The following DOCK10 variants were observed in gnomAD, a reference collection of about 807,000 sequenced individuals.
DOCK10 encodes dedicator of cytokinesis protein 10.
In DOCK10, 145 loss-of-function variants were observed where a neutral mutation model predicts 280.1. The observed-to-expected ratio is 0.52, with a 90% CI of 0.45 to 0.59. The LOEUF is 0.59. DOCK10 is among the 20% of genes least tolerant of loss of function. The pLI, the probability that DOCK10 is intolerant of heterozygous loss-of-function variation, is 0.00. For missense variants in DOCK10, 2,368 were observed against 2,651.7 expected (o/e 0.89, Z 2.35); for synonymous variants, 915 against 942.2 (o/e 0.97, Z 0.53).
At chr2:224,874,817 T>C in intron 8 of DOCK10, 66 bp from the exon 9 acceptor site, 1 of 1,454,502 alleles carries the variant, frequency 6.9e-7, no homozygotes, top group Non-Finnish European at 9.6e-7. Context: ...TTCTAGCCTG[T>C]GACATGCAAA....
rs374246753 is a variant in DOCK10, at chr2:224,807,664, G to A, written c.3702+4C>T. The A allele has an allele frequency of 4.6e-6, 7 of 1,510,780 alleles. No individual in the cohort carries two copies. The East Asian group carries it at 9.6e-5, about 21-fold the overall frequency. 93.6% of individuals were successfully genotyped at this position (1,510,780 alleles called of 1,614,324 possible). ...TAGAAATGTGACATATTGTGCAAACGTACCTGATTAGATGTATTGACAGTA... is the reference window on the plus strand; with the variant it reads ...TAGAAATGTGACATATTGTGCAAACATACCTGATTAGATGTATTGACAGTA... On this transcript the variant is annotated splice_donor_region_variant and intron_variant, in intron 33 of 55. Coordinates refer to ENST00000258390, the MANE Select transcript of DOCK10 (RefSeq NM_014689.3).
chr2:225,042,282 C>T lies in DOCK10; in HGVS notation c.93G>A (p.Ala31=), dbSNP rs757676269. The T allele has an allele frequency of 1.5e-6, 2 of 1,338,970 alleles. No individual in the cohort carries two copies. Among genetic ancestry groups the T allele is most frequent in the South Asian group, 1.9e-5 (1 of 52,156 alleles). The allele number at this position is 1,338,970 out of a possible 1,614,324, so 82.9% of individuals were successfully genotyped here. Residue 31 remains alanine (A), a synonymous_variant, in exon 1 of 56, where the codon GCG becomes GCA. Coordinates refer to ENST00000258390, the MANE Select transcript of DOCK10 (RefSeq NM_014689.3). The surrounding 1 kb of genome is among the most constrained non-coding windows in gnomAD (Gnocchi z 5.1). Reference sequence around the variant, plus strand: ...GCTGCTGCCGGCTGCTGACTGCCACCGCGGCGGCGGACGCGGCGCTGTGCC... The same window carrying T: ...GCTGCTGCCGGCTGCTGACTGCCACTGCGGCGGCGGACGCGGCGCTGTGCC... ...ELRHSAASAA[A]VAVSSRQQQR... is the part of the protein sequence containing the mutation.
intron 1 of DOCK10, among the ~76,000 whole-genome samples, chr2:225,036,599 A>G (rs1213452081): frequency 6.6e-6 from 1 of 152,160 alleles, no homozygotes; most frequent in East Asian, 1.9e-4. Context: ...ATGTGATCTA[A>G]TGTTGCTGGT....
chr2:224,871,892 T>G, intron 11 of DOCK10, among the ~76,000 whole-genome samples: 1 of 152,186 alleles, frequency 6.6e-6, no homozygotes, highest in African/African-American at 2.4e-5. Flanking sequence ...AAATTGTGAG[T>G]TTTCTTGTTT....
intron 13 of DOCK10, among the ~76,000 whole-genome samples, chr2:224,864,315 C>G (rs1258670265): frequency 1.3e-5 from 2 of 152,088 alleles, no homozygotes; most frequent in African/African-American, 4.8e-5. Context: ...CGAGACCAGC[C>G]TGGTCAACAT....
intron 48 of DOCK10, 33 bp from the exon 49 acceptor site, chr2:224,787,430 A>T (rs765844259): frequency 6.2e-7 from 1 of 1,612,792 alleles, no homozygotes; most frequent in African/African-American, 1.3e-5. Context: ...AAGATTTTAC[A>T]TGATTAGGGT....
intron 1 of DOCK10, among the ~76,000 whole-genome samples, chr2:225,006,694 T>C (rs149700001): frequency 1.4e-4 from 21 of 152,314 alleles, no homozygotes; most frequent in African/African-American, 4.3e-4. Flanking sequence ...CAATCTATGT[T>C]TGGAGAAATA....
intron 18 of DOCK10, among the ~76,000 whole-genome samples, chr2:224,851,696 G>A (rs1192270689): frequency 2.0e-5 from 3 of 151,910 alleles, no homozygotes; most frequent in Non-Finnish European, 4.4e-5. Context: ...TTGGCAGCAG[G>A]CCCACTACAA....
intron 28 of DOCK10, among the ~76,000 whole-genome samples, chr2:224,821,937 G>GA (rs749263345): frequency 1.3e-4 from 19 of 151,676 alleles, no homozygotes; most frequent in Non-Finnish European, 2.8e-4. Context: ...AAACCTTGAA[G>GA]AAAAAAATAA....
intron 1 of DOCK10, among the ~76,000 whole-genome samples, chr2:224,959,433 TTTTC>T (rs949102802): frequency 1.7e-5 from 2 of 115,934 alleles, no homozygotes; most frequent in Admixed American, 1.9e-4. Flanking sequence ...GCCTTTATTA[TTTTC>T]TTTTTTTTTT....
chr2:224,866,063 T>G (rs900326075), intron 11 of DOCK10, among the ~76,000 whole-genome samples: 1 of 152,172 alleles, frequency 6.6e-6, no homozygotes, highest in Non-Finnish European at 1.5e-5. Context: ...GTCAGGAAAG[T>G]GATATTGGCC....
At position 224,841,882 on chromosome 2, in the gene DOCK10, A is replaced by G; in HGVS notation, c.2583T>C (p.Asn861=). Residue 861 remains asparagine (N), a synonymous_variant, in exon 23 of 56, where the codon AAT becomes AAC. Transcript: ENST00000258390. ...STVNTQDPHV[N]AFFQECQKRE... The stretch of plus-strand genomic sequence containing the variant: ...TTTTTTGGCACTCTTGGAAAAATGC[A>G]TTCACATGTGGATCCTACAACAGCA... The G allele has an allele frequency of 6.2e-7, 1 of 1,612,178 alleles. No individual in the cohort carries two copies. The highest frequency in any genetic ancestry group is 1.7e-5 in the Admixed American group (1 of 60,018).
chr2:224,871,925 A>C (rs1317481594), intron 11 of DOCK10, among the ~76,000 whole-genome samples: 1 of 152,170 alleles, frequency 6.6e-6, no homozygotes, highest in Non-Finnish European at 1.5e-5. Context: ...TTTCAAAAAG[A>C]ATCTAATCTT....
chr2:225,030,306 G>A (rs775672001), intron 1 of DOCK10, among the ~76,000 whole-genome samples: 16 of 152,070 alleles, frequency 1.1e-4, no homozygotes, highest in Non-Finnish European at 2.1e-4. Context: ...AACGAAAGGA[G>A]AATTTTTAAG....
intron 1 of DOCK10, among the ~76,000 whole-genome samples, chr2:224,933,242 G>A (rs1395914): frequency 6.6e-6 from 1 of 151,972 alleles, no homozygotes; most frequent in African/African-American, 2.4e-5. Context: ...ATTGCCTTTT[G>A]ATATTATTCT....
chr2:224,921,122 T>TAC (rs1701711299), intron 2 of DOCK10, among the ~76,000 whole-genome samples: 1 of 87,274 alleles, frequency 1.1e-5, no homozygotes, highest in Non-Finnish European at 2.2e-5. Flanking sequence ...AATATATATA[T>TAC]ATATATATAT....
chr2:224,833,010 A>T (rs1695334598), intron 26 of DOCK10, among the ~76,000 whole-genome samples: 4 of 152,168 alleles, frequency 2.6e-5, no homozygotes, highest in Admixed American at 2.0e-4. Context: ...CAATCTCTTG[A>T]AGATGCAATT....
At position 224,856,840 on chromosome 2, in the gene DOCK10, A is replaced by G; in HGVS notation, c.1808+20T>C. 1.3e-6 allele frequency: 2 copies of G among 1,587,144 alleles called. No individual in the cohort carries two copies. On this transcript the variant is annotated intron_variant, in intron 15 of 55. Coordinates refer to ENST00000258390, the MANE Select transcript of DOCK10 (RefSeq NM_014689.3). Reference sequence around the variant, plus strand: ...ACATGGCTGATTTATGTTAATTTCGAGAGTATAAAAAAAACATACCTTCTA... The same window carrying G: ...ACATGGCTGATTTATGTTAATTTCGGGAGTATAAAAAAAACATACCTTCTA...
At chr2:224,929,851 T>A (rs1165391181) in intron 2 of DOCK10, among the ~76,000 whole-genome samples, 1 of 152,088 alleles carries the variant, frequency 6.6e-6, no homozygotes, top group Non-Finnish European at 1.5e-5. Flanking sequence ...TTGAAGGACA[T>A]AACTAGGAGA....
Sources: gnomAD v4.1 joint callset for allele counts (sites outside exome capture counted in the v4.1 genomes callset) on GRCh38, gnomAD v4.1.1 for gene constraint, Gnocchi (gnomAD v3.1) non-coding constraint, MANE v1.5 for transcripts, NCBI Gene and HGNC (gene_info 2026-07-23, HGNC 2026-07-21) for gene names.